Variants in GAREM1 observed in about 807,000 individuals in gnomAD.
The protein encoded by GAREM1 is GRB2-associated and regulator of MAPK protein 1.
GAREM1 carries 26 observed loss-of-function variants against 71.3 expected under a neutral mutation model. That is an observed-to-expected ratio of 0.36 (90% CI 0.27 to 0.51). GAREM1 has a LOEUF of 0.51. GAREM1 is among the 20% of genes least tolerant of loss of function. GAREM1 has a pLI of 0.95. For missense variants in GAREM1, 1,026 were observed against 1,103.1 expected, an observed-to-expected ratio of 0.93 and a Z score of 0.99; for synonymous variants, 440 against 433.2, an observed-to-expected ratio of 1.02 and a Z score of -0.20.
intron 2 of GAREM1, among the ~76,000 whole-genome samples, chr18:32,378,059 C>A (rs80007403): frequency 8.9e-6 from 1 of 112,936 alleles, no homozygotes; most frequent in Non-Finnish European, 1.9e-5. Context: ...TGTGTGTGTG[C>A]GCGCGGGCGC....
intron 2 of GAREM1, among the ~76,000 whole-genome samples, chr18:32,366,798 T>A (rs1023826142): frequency 2.0e-5 from 3 of 152,218 alleles, no homozygotes; most frequent in Non-Finnish European, 4.4e-5. Context: ...GGTTGGCAGC[T>A]CTTAGTTGTT....
intron 2 of GAREM1, among the ~76,000 whole-genome samples, chr18:32,371,718 T>C (rs75989166): frequency 0.029 from 4,469 of 152,096 alleles, 100 homozygotes; most frequent in African/African-American, 0.061. Flanking sequence ...CTCTGGATGA[T>C]ACCAAGTACC....
At chr18:32,378,183 C>T (rs2144636969) in intron 2 of GAREM1, among the ~76,000 whole-genome samples, 1 of 152,194 alleles carries the variant, frequency 6.6e-6, no homozygotes, top group Middle Eastern at 3.4e-3. Flanking sequence ...TTTCAATCTA[C>T]ATATTGGGTT....
At position 32,417,997 on chromosome 18, in the gene GAREM1, C is replaced by T. The variant is rs890562423; in HGVS notation, c.122-24962G>A. 2.0e-5 allele frequency among the ~76,000 whole-genome samples: 3 copies of T among 152,064 alleles called. No homozygotes were observed. The South Asian group carries it at 6.2e-4, about 31-fold the overall frequency. ...TCATGTAGCCTATAAACATATACAC[C>T]TACTATGTACGCACAAAATTAAAAA... On this transcript the variant is annotated intron_variant, in intron 1 of 5. Coordinates refer to ENST00000269209, the MANE Select transcript of GAREM1 (RefSeq NM_001242409.2).
chr18:32,396,157 A>T (rs2048253344), intron 1 of GAREM1, among the ~76,000 whole-genome samples: 1 of 152,210 alleles, frequency 6.6e-6, no homozygotes, highest in Non-Finnish European at 1.5e-5. Context: ...CCAAAACGCC[A>T]TCTGTATGTC....
intron 3 of GAREM1, among the ~76,000 whole-genome samples, chr18:32,291,647 C>G (rs985481296): frequency 6.6e-6 from 1 of 151,566 alleles, no homozygotes; most frequent in African/African-American, 2.4e-5. Flanking sequence ...TCTCCCTTAG[C>G]CCCCCACCCC....
At chr18:32,450,121 C>T (rs2048821265) in intron 1 of GAREM1, among the ~76,000 whole-genome samples, 1 of 152,290 alleles carries the variant, frequency 6.6e-6, no homozygotes. Context: ...CTGTCTGTGG[C>T]ACAACCAGTC....
At chr18:32,303,582 C>A (rs961041044) in intron 3 of GAREM1, among the ~76,000 whole-genome samples, 2 of 152,100 alleles carry the variant, frequency 1.3e-5, no homozygotes, top group Non-Finnish European at 2.9e-5. Context: ...CTACTATGTA[C>A]TGAGTTCTTA....
chr18:32,355,892 G>C lies in GAREM1; in HGVS notation c.262+37003C>G, dbSNP rs139999212. On this transcript the variant is annotated intron_variant, in intron 2 of 5. Transcript: ENST00000269209. ...AGGAAAATTCCATATACAGTTATTA[G>C]AGAAGGCTTATTTTAGAAAACTAAT... Among the ~76,000 whole-genome samples the C allele has an allele frequency of 1.6e-4, 24 of 152,312 alleles. No homozygotes were observed. In the East Asian group the frequency reaches 4.4e-3, roughly 28 times the overall value.
intron 4 of GAREM1, among the ~76,000 whole-genome samples, chr18:32,273,537 G>A (rs2041494072): frequency 6.6e-6 from 1 of 152,164 alleles, no homozygotes; most frequent in Non-Finnish European, 1.5e-5. Context: ...TCCCACAATG[G>A]TGAGGAGAGG....
At chr18:32,298,329 C>T (rs1044578313) in intron 3 of GAREM1, among the ~76,000 whole-genome samples, 4 of 152,126 alleles carry the variant, frequency 2.6e-5, no homozygotes, top group African/African-American at 9.7e-5. Context: ...TAAATAAATG[C>T]TCTTTCTTTA....
intron 2 of GAREM1, among the ~76,000 whole-genome samples, chr18:32,370,190 T>C (rs143327392): frequency 0.012 from 1,805 of 152,186 alleles, 48 homozygotes; most frequent in African/African-American, 0.042. Flanking sequence ...CCCAGCACTT[T>C]GGGGGGCCGA....
chr18:32,322,103 T>C (rs1227181738), intron 2 of GAREM1, among the ~76,000 whole-genome samples: 1 of 152,176 alleles, frequency 6.6e-6, no homozygotes, highest in African/African-American at 2.4e-5. Context: ...CTGGCTCTAG[T>C]GATTTTTTTA....
At chr18:32,393,233 A>G (rs755606548) in intron 1 of GAREM1, among the ~76,000 whole-genome samples, 198 bp from the exon 2 acceptor site, 2 of 151,448 alleles carry the variant, frequency 1.3e-5, no homozygotes, top group African/African-American at 2.4e-5. Flanking sequence ...ACAACTGTAC[A>G]TAGAAGTCCA....
In GAREM1 at chr18:32,267,119, T is replaced by G. The variant is rs2041383972; in HGVS notation, c.*752A>C. On this transcript the variant is annotated 3_prime_UTR_variant, in exon 6 of 6. Coordinates refer to ENST00000269209, the MANE Select transcript of GAREM1 (RefSeq NM_001242409.2). ...AGATTGTTTAAAAGTGAACAGATGTTATCTAAAATATCAGAATCAAAATTA... is the reference window on the plus strand; with the variant it reads ...AGATTGTTTAAAAGTGAACAGATGTGATCTAAAATATCAGAATCAAAATTA... 1 of 152,228 alleles carries G rather than the reference T, an allele frequency of 6.6e-6. No individual in the cohort carries two copies. Among genetic ancestry groups the G allele is most frequent in the Admixed American group, 6.5e-5 (1 of 15,286 alleles). The allele number at this position is 152,228 out of a possible 1,614,324, so 9.4% of individuals were successfully genotyped here.
chr18:32,268,107 C>G lies in GAREM1; in HGVS notation c.2395G>C (p.Gly799Arg). Residue 799 changes from glycine to arginine, a missense_variant, in exon 6 of 6, where the codon GGT (glycine) becomes CGT (arginine). Around this residue, in one of 3 missense-constraint regions of GAREM1, gnomAD observed 636 missense variants for 631.2 expected, o/e 1.01. Coordinates refer to ENST00000269209, the MANE Select transcript of GAREM1 (RefSeq NM_001242409.2). ...LQLAPRSCGDGSPWQPPADLS... is the reference protein window; with the variant it reads ...LQLAPRSCGDRSPWQPPADLS... ...TCAGCAGGTGGCTGCCATGGGGAAC[C>G]GTCGCCACAGGATCTGGGGGCCAGC... The G allele has an allele frequency of 2.5e-6, 4 of 1,614,038 alleles. No homozygotes were observed. Among genetic ancestry groups the G allele is most frequent in the Non-Finnish European group, 3.4e-6 (4 of 1,180,008 alleles).
intron 1 of GAREM1, among the ~76,000 whole-genome samples, chr18:32,435,266 AC>A (rs1280131455): frequency 6.6e-6 from 1 of 152,034 alleles, no homozygotes; most frequent in Non-Finnish European, 1.5e-5. Context: ...AAAAAAAACA[AC>A]CAGCAGTGAA....
At chr18:32,373,273 A>AT (rs1210113965) in intron 2 of GAREM1, among the ~76,000 whole-genome samples, 1 of 152,212 alleles carries the variant, frequency 6.6e-6, no homozygotes, top group African/African-American at 2.4e-5. Flanking sequence ...CTTTCTGAAT[A>AT]TATTTTAATA....
In GAREM1 at chr18:32,269,090, C is replaced by T. The variant is rs191302954; in HGVS notation, c.1734-322G>A. On this transcript the variant is annotated intron_variant, in intron 5 of 5. Transcript: ENST00000269209. ...AAGTCACGTGTAGGCTCTGCACCAA[C>T]AGGTGCCATGATTGATGAATGATGT... 2.6e-4 allele frequency among the ~76,000 whole-genome samples: 39 copies of T among 152,226 alleles called. No homozygotes were observed. The East Asian group carries it at 7.1e-3, about 28-fold the overall frequency.
Sources: gnomAD v4.1 joint callset for allele counts (sites outside exome capture counted in the v4.1 genomes callset) on GRCh38, gnomAD v4.1.1 for gene constraint, gnomAD v4.1.1 regional missense constraint, MANE v1.5 for transcripts, NCBI Gene and HGNC (gene_info 2026-07-23, HGNC 2026-07-21) for gene names.